The following ASAH1 variants were observed in gnomAD, a reference collection of about 807,000 sequenced individuals.
The protein encoded by ASAH1 is N-acylsphingosine amidohydrolase 1.
In ASAH1, 70 loss-of-function variants were observed where a neutral mutation model predicts 59.5. The observed-to-expected ratio is 1.18, with a 90% CI of 0.97 to 1.43. The LOEUF (loss-of-function observed/expected upper bound fraction) is 1.43. ASAH1 is among the 40% of genes most tolerant of loss of function. The pLI, the probability that ASAH1 is intolerant of heterozygous loss-of-function variation, is 0.00. For missense variants in ASAH1, 660 were observed against 482.5 expected (o/e 1.37, Z -3.45); for synonymous variants, 213 against 166.5 (o/e 1.28, Z -2.15).
intron 10 of ASAH1, chr8:18,061,109 A>G (rs934917730): frequency 2.9e-6 from 1 of 340,744 alleles, no homozygotes; most frequent in Non-Finnish European, 5.5e-6. Flanking sequence ...TGTGTGGGTC[A>G]TTTTTTTTCT....
At position 18,059,359 on chromosome 8, in the gene ASAH1, C is replaced by A; in HGVS notation, c.1023G>T (p.Leu341=). 6.2e-7 allele frequency: 1 copy of A among 1,614,188 alleles called. No homozygotes were observed. The highest frequency in any genetic ancestry group is 1.7e-5 in the Admixed American group (1 of 60,024). The change falls in exon 12 of 14, where the codon CTG becomes CTT. Residue 341 remains leucine, a synonymous_variant. Transcript: ENST00000637790. ...DDRRTPAKMC[L]NRTSQENISF... ...AAGGTACCTCTTGGCTGGTGCGGTT[C>A]AGACACATCTTTGCAGGCGTTCTGC...
intron 1 of ASAH1, among the ~76,000 whole-genome samples, chr8:18,079,565 A>G (rs1012773681): frequency 6.6e-6 from 1 of 152,238 alleles, no homozygotes; most frequent in African/African-American, 2.4e-5. Flanking sequence ...GAGACCCTCA[A>G]TGAAATAATG....
chr8:18,069,736 A>T, intron 4 of ASAH1, 56 bp downstream of exon 4: 1 of 1,291,540 alleles, frequency 7.7e-7, no homozygotes, highest in Non-Finnish European at 1.1e-6. Flanking sequence ...CTTTAAATAA[A>T]TAACAGCGCA....
At chr8:18,061,900 C>T (rs1799717606) in intron 8 of ASAH1, 160 bp from the exon 9 acceptor site, 1 of 761,918 alleles carries the variant, frequency 1.3e-6, no homozygotes, top group Non-Finnish European at 2.2e-6. Context: ...AAGTTCAAAG[C>T]ATTTTTGATT....
chr8:18,058,006 C>G (rs560238954), intron 13 of ASAH1: 1 of 158,848 alleles, frequency 6.3e-6, no homozygotes, highest in Non-Finnish European at 1.4e-5. Flanking sequence ...CCTGGGAGAC[C>G]TGCCGGTGTC....
chr8:18,064,121 A>T, intron 6 of ASAH1: 1 of 481,670 alleles, frequency 2.1e-6, no homozygotes, highest in Non-Finnish European at 3.7e-6. Flanking sequence ...GTCATGACAT[A>T]CACGAAGATA....
chr8:18,062,429 A>C lies in ASAH1; in HGVS notation c.504-6T>G, dbSNP rs1490372151. ...TATCATTATTTATGTTCCACCTATA[A>C]AAGACATGTTTCAGTGACATTTCAG... On this transcript the variant is annotated splice_polypyrimidine_tract_variant and splice_region_variant and intron_variant, in intron 7 of 13. Transcript: ENST00000637790. 4 of 1,613,926 alleles carry C rather than the reference A, an allele frequency of 2.5e-6. No homozygotes were observed.
chr8:18,077,286 A>G (rs957828246), intron 1 of ASAH1, among the ~76,000 whole-genome samples: 2 of 152,246 alleles, frequency 1.3e-5, no homozygotes, highest in African/African-American at 4.8e-5. Context: ...ACTATAATAA[A>G]TAACCATGAG....
At chr8:18,075,974 C>G in intron 1 of ASAH1, 1 of 305,346 alleles carries the variant, frequency 3.3e-6, no homozygotes, top group South Asian at 3.0e-5. Context: ...GCAACCTGTC[C>G]TGGGATTTGC....
At chr8:18,077,077 A>G (rs1226992893) in intron 1 of ASAH1, among the ~76,000 whole-genome samples, 1 of 152,202 alleles carries the variant, frequency 6.6e-6, no homozygotes, top group Non-Finnish European at 1.5e-5. Context: ...GAACTCAAAG[A>G]CTGCAAAACT....
intron 8 of ASAH1, 91 bp from the exon 9 acceptor site, chr8:18,061,831 G>T: frequency 3.3e-6 from 4 of 1,216,042 alleles, no homozygotes; most frequent in Admixed American, 2.0e-5. Flanking sequence ...GGATATAAAG[G>T]CCTAGCTTGG....
intron 4 of ASAH1, chr8:18,068,585 G>C (rs991203356): frequency 6.6e-6 from 1 of 152,234 alleles, no homozygotes; most frequent in Non-Finnish European, 1.5e-5. Context: ...GGGAGATTTG[G>C]TAACATCTAA....
intron 11 of ASAH1, 51 bp downstream of exon 11, chr8:18,059,521 A>G (rs780767410): frequency 4.3e-6 from 7 of 1,614,200 alleles, no homozygotes; most frequent in Non-Finnish European, 5.9e-6. Flanking sequence ...CTCAAAGTAT[A>G]TCAGTGTATG....
chr8:18,070,572 G>A (rs1049661016), intron 3 of ASAH1, among the ~76,000 whole-genome samples: 1 of 152,222 alleles, frequency 6.6e-6, no homozygotes, highest in Non-Finnish European at 1.5e-5. Flanking sequence ...ACAGGCATGA[G>A]CCACCGTGCC....
intron 6 of ASAH1, 200 bp downstream of exon 6, chr8:18,064,257 C>G: frequency 1.7e-6 from 1 of 587,900 alleles, no homozygotes; most frequent in Non-Finnish European, 3.0e-6. Flanking sequence ...CTGAAATCAA[C>G]TTTAATAGGC....
chr8:18,083,216 T>C (rs1363862837), intron 1 of ASAH1: 1 of 152,236 alleles, frequency 6.6e-6, no homozygotes, highest in African/African-American at 2.4e-5. Flanking sequence ...CGCAGTCTGA[T>C]TGCTTTATAA....
At chr8:18,080,393 T>TA (rs1229057316) in intron 1 of ASAH1, among the ~76,000 whole-genome samples, 5 of 152,172 alleles carry the variant, frequency 3.3e-5, no homozygotes, top group African/African-American at 1.2e-4. Context: ...CAATCACACT[T>TA]AGCCTACCGC....
chr8:18,082,668 T>C (rs746907586), intron 1 of ASAH1: 17 of 152,218 alleles, frequency 1.1e-4, no homozygotes, highest in Non-Finnish European at 2.4e-4. Flanking sequence ...CCCCAAATCA[T>C]GCAACCGAAG....
chr8:18,070,425 G>A (rs1290668319), intron 3 of ASAH1, among the ~76,000 whole-genome samples: 1 of 151,978 alleles, frequency 6.6e-6, no homozygotes, highest in Admixed American at 6.6e-5. Context: ...TGGGATTACA[G>A]GCATGAGCCA....
Sources: gnomAD v4.1 joint callset for allele counts (sites outside exome capture counted in the v4.1 genomes callset) on GRCh38, gnomAD v4.1.1 for gene constraint, MANE v1.5 for transcripts, NCBI Gene and HGNC (gene_info 2026-07-23, HGNC 2026-07-21) for gene names.